RBFOX1: variants seen among roughly 807,000 people sequenced by gnomAD.
The protein encoded by RBFOX1 is RNA binding protein fox-1 homolog 1.
RBFOX1 carries 8 observed loss-of-function variants against 57.7 expected under a neutral mutation model. That is an observed-to-expected ratio of 0.14 (90% CI 0.08 to 0.25). The LOEUF is 0.25. Among genes scored for constraint, RBFOX1 ranks in the 10% least tolerant of loss-of-function variants. The pLI, the probability that RBFOX1 is intolerant of heterozygous loss-of-function variation, is 1.00. For synonymous variants in RBFOX1, 326 were observed against 222.4 expected (o/e 1.47, Z -4.15); for missense variants, 611 against 548.5 (o/e 1.11, Z -1.14).
chr16:7,046,753 G>A (rs1020481396), intron 3 of RBFOX1, among the ~76,000 whole-genome samples: 11 of 151,640 alleles, frequency 7.3e-5, no homozygotes, highest in South Asian at 4.2e-4. Context: ...TTACAAGCAC[G>A]CGCCATCATG....
At chr16:5,391,531 C>G (rs1416287529) in intron 1 of RBFOX1, among the ~76,000 whole-genome samples, 1 of 152,160 alleles carries the variant, frequency 6.6e-6, no homozygotes, top group South Asian at 2.1e-4. Flanking sequence ...GGTCAGCAGC[C>G]TTTATTCCAT....
intron 1 of RBFOX1, among the ~76,000 whole-genome samples, chr16:6,312,365 C>T (rs888916722): frequency 1.3e-5 from 2 of 152,126 alleles, no homozygotes; most frequent in Non-Finnish European, 2.9e-5. Flanking sequence ...CTTCTTCTCT[C>T]TCTCATTGCT....
chr16:6,560,384 G>GAC (rs2097164854), intron 2 of RBFOX1, among the ~76,000 whole-genome samples: 2 of 10,186 alleles, frequency 2.0e-4, no homozygotes, highest in Admixed American at 5.6e-3. Flanking sequence ...GGAGGAGAGG[G>GAC]CCAGTGTGGG....
At chr16:5,759,481 T>C (rs886856194) in intron 3 of RBFOX1, among the ~76,000 whole-genome samples, 2 of 152,228 alleles carry the variant, frequency 1.3e-5, no homozygotes, top group African/African-American at 4.8e-5. Context: ...ATCAGGGCAT[T>C]CAAATGCATA....
At chr16:6,913,292 C>G (rs978337816) in intron 3 of RBFOX1, among the ~76,000 whole-genome samples, 1 of 152,072 alleles carries the variant, frequency 6.6e-6, no homozygotes, top group Non-Finnish European at 1.5e-5. Context: ...TAATTACAGC[C>G]TGTGTCATGC....
At chr16:5,575,547 G>A (rs761781345) in intron 2 of RBFOX1, among the ~76,000 whole-genome samples, 1 of 152,164 alleles carries the variant, frequency 6.6e-6, no homozygotes, top group Non-Finnish European at 1.5e-5. Context: ...ACACTGCCTG[G>A]CATCTACTCC....
At chr16:6,754,703 G>GTTT (rs201645330) in intron 3 of RBFOX1, among the ~76,000 whole-genome samples, 4 of 148,536 alleles carry the variant, frequency 2.7e-5, no homozygotes, top group African/African-American at 4.9e-5. Flanking sequence ...ATGGAATGTT[G>GTTT]TTTTTTTTTT....
intron 3 of RBFOX1, among the ~76,000 whole-genome samples, chr16:5,806,433 C>A (rs929814422): frequency 6.6e-6 from 1 of 152,122 alleles, no homozygotes; most frequent in Non-Finnish European, 1.5e-5. Context: ...AGAAAGGGAG[C>A]CAAAGCTAGT....
intron 1 of RBFOX1, among the ~76,000 whole-genome samples, chr16:5,430,344 G>A (rs903012442): frequency 6.6e-6 from 1 of 152,142 alleles, no homozygotes; most frequent in African/African-American, 2.4e-5. Flanking sequence ...GCCAGTAGGA[G>A]AAAATTGCAT....
chr16:7,040,335 A>G (rs1047722779), intron 3 of RBFOX1, among the ~76,000 whole-genome samples: 2 of 152,102 alleles, frequency 1.3e-5, no homozygotes, highest in Admixed American at 6.6e-5. Context: ...TTTTATAGCC[A>G]CCATTAATCA....
chr16:5,390,794 A>G lies in RBFOX1; in HGVS notation c.220-76422A>G, dbSNP rs185654172. Among the ~76,000 whole-genome samples the G allele has an allele frequency of 2.5e-4, 38 of 152,080 alleles. No homozygotes were observed. In the East Asian group the frequency reaches 6.4e-3, roughly 26 times the overall value. ...AGAATGGGCCTGTGGCTCAAAGCTG[A>G]CTCGTCTCCTCACTGGGCTTGAAGG... On this transcript the variant is annotated intron_variant, in intron 1 of 2. Transcript: ENST00000585867.
intron 3 of RBFOX1, among the ~76,000 whole-genome samples, chr16:5,744,104 G>A (rs2052881823): frequency 6.6e-6 from 1 of 152,018 alleles, no homozygotes; most frequent in African/African-American, 2.4e-5. Flanking sequence ...CAGCTCCCAG[G>A]CTACCATGCC....
At chr16:6,938,186 T>C (rs1244800922) in intron 3 of RBFOX1, among the ~76,000 whole-genome samples, 2 of 152,218 alleles carry the variant, frequency 1.3e-5, no homozygotes, top group African/African-American at 2.4e-5. Flanking sequence ...TTTACTTTCC[T>C]AGTGTAGAAT....
chr16:7,565,600 G>T (rs937045039), intron 5 of RBFOX1, among the ~76,000 whole-genome samples: 6 of 152,178 alleles, frequency 3.9e-5, no homozygotes, highest in African/African-American at 1.4e-4. Context: ...CAGAGCAAGT[G>T]TTCGTTACAC....
chr16:7,374,693 C>T (rs2097651222), intron 4 of RBFOX1, among the ~76,000 whole-genome samples: 1 of 151,956 alleles, frequency 6.6e-6, no homozygotes, highest in African/African-American at 2.4e-5. Context: ...CTAAACATTC[C>T]CTCTTTTGTC....
At chr16:6,547,830 C>G (rs1415536858) in intron 2 of RBFOX1, among the ~76,000 whole-genome samples, 3 of 151,818 alleles carry the variant, frequency 2.0e-5, no homozygotes, top group Non-Finnish European at 4.4e-5. Context: ...CCTTGGCCTT[C>G]AAATGTGACT....
intron 3 of RBFOX1, among the ~76,000 whole-genome samples, chr16:6,904,287 A>G (rs1299801763): frequency 6.6e-6 from 1 of 152,100 alleles, no homozygotes; most frequent in Non-Finnish European, 1.5e-5. Context: ...GTGAGGCACG[A>G]GTGGTAGGCT....
At chr16:7,071,010 A>G (rs941757220) in intron 4 of RBFOX1, among the ~76,000 whole-genome samples, 1 of 152,162 alleles carries the variant, frequency 6.6e-6, no homozygotes, top group Non-Finnish European at 1.5e-5. Flanking sequence ...CTCAAGCTAC[A>G]TTTGCCATTA....
chr16:6,617,788 A>G (rs985573842), intron 2 of RBFOX1, among the ~76,000 whole-genome samples: 4 of 152,190 alleles, frequency 2.6e-5, no homozygotes, highest in African/African-American at 7.2e-5. Context: ...AGTGGGGGAT[A>G]AAGTACAGCA....
Sources: allele counts gnomAD v4.1 joint callset (sites outside exome capture counted in the v4.1 genomes callset), GRCh38; gene constraint gnomAD v4.1.1; transcripts MANE v1.5; gene names NCBI Gene and HGNC (gene_info 2026-07-23, HGNC 2026-07-21).